PABPC1: variants seen among roughly 807,000 people sequenced by gnomAD.
The protein encoded by PABPC1 is poly(A) binding protein cytoplasmic 1.
In PABPC1, 4 loss-of-function variants were observed where a neutral mutation model predicts 74.0. The observed-to-expected ratio is 0.05, with a 90% CI of 0.03 to 0.12. The LOEUF is 0.12. PABPC1 is among the 10% of genes least tolerant of loss of function. The pLI, the probability that PABPC1 is intolerant of heterozygous loss-of-function variation, is 1.00. For missense variants in PABPC1, 271 were observed against 821.1 expected (o/e 0.33, Z 8.19); for synonymous variants, 227 against 264.1 (o/e 0.86, Z 1.36).
At chr8:100,716,243 G>A (rs1810666002) in intron 3 of PABPC1, among the ~76,000 whole-genome samples, 1 of 152,050 alleles carries the variant, frequency 6.6e-6, no homozygotes. Flanking sequence ...CTCTACTAAA[G>A]TACAAAAATT....
chr8:100,709,380 CG>C, intron 8 of PABPC1, 78 bp downstream of exon 8: 1 of 1,543,614 alleles, frequency 6.5e-7, no homozygotes, highest in East Asian at 2.3e-5. Context: ...TTCACATTTG[CG>C]GGGCGAGGGG....
chr8:100,719,654 C>T (rs1810761986), intron 1 of PABPC1, among the ~76,000 whole-genome samples: 1 of 152,158 alleles, frequency 6.6e-6, no homozygotes, highest in South Asian at 2.1e-4. Context: ...ATACTGTACA[C>T]TGTAACCACG....
At chr8:100,718,327 C>T in intron 1 of PABPC1, 47 bp from the exon 2 acceptor site, 1 of 1,516,054 alleles carries the variant, frequency 6.6e-7, no homozygotes, top group Non-Finnish European at 9.0e-7. Context: ...AAAATTTTTG[C>T]TGGCTACTTA....
In PABPC1 at chr8:100,704,376, T is replaced by C. The variant is rs536064304; in HGVS notation, c.1833A>G (p.Val611=). 1.2e-5 allele frequency: 20 copies of C among 1,613,846 alleles called. 1 individual carries two copies. In the South Asian group the frequency reaches 2.2e-4, roughly 18 times the overall value. Reference sequence around the variant, plus strand: ...TAGCTTGGTGGGCTTGTAGTACAGCTACAGCTTCATCAACCTAAAAAAGGG... The same window carrying C: ...TAGCTTGGTGGGCTTGTAGTACAGCCACAGCTTCATCAACCTAAAAAAGGG... ...ESLRSKVDEA[V]AVLQAHQAKE... The change falls in exon 14 of 15, where the codon GTA becomes GTG. Residue 611 remains valine (V), a synonymous_variant. Coordinates refer to ENST00000318607, the MANE Select transcript of PABPC1 (RefSeq NM_002568.4).
chr8:100,711,291 A>T (rs1194289210), intron 7 of PABPC1, among the ~76,000 whole-genome samples: 1 of 152,090 alleles, frequency 6.6e-6, no homozygotes, highest in Non-Finnish European at 1.5e-5. Context: ...AAAGACAAAA[A>T]AAAAACACCT....
chr8:100,719,839 T>C (rs946209374), intron 1 of PABPC1, among the ~76,000 whole-genome samples: 2 of 152,244 alleles, frequency 1.3e-5, no homozygotes, highest in Admixed American at 1.3e-4. Context: ...CCCAAAGTTA[T>C]CTACCCCCAT....
intron 11 of PABPC1, 84 bp from the exon 12 acceptor site, chr8:100,705,757 G>C: frequency 1.2e-6 from 1 of 864,580 alleles, no homozygotes; most frequent in South Asian, 1.4e-5. Context: ...ATCTGCTGAA[G>C]TGGTAGACTT....
Position 100,713,186 on chromosome 8 carries a change from A to G in PABPC1, c.644-5T>C, listed in dbSNP as rs1453493720. 6.7e-7 allele frequency: 1 copy of G among 1,492,496 alleles called. No individual in the cohort carries two copies. The highest frequency in any genetic ancestry group is 1.3e-5 in the South Asian group (1 of 78,504). The allele number at this position is 1,492,496 out of a possible 1,614,324, so 92.5% of individuals were successfully genotyped here. On this transcript the variant is annotated splice_polypyrimidine_tract_variant and splice_region_variant and intron_variant, in intron 4 of 14. Coordinates refer to ENST00000318607, the MANE Select transcript of PABPC1 (RefSeq NM_002568.4). ...CTTTCACACTTAAGGCAGGCCCTAAAAAATTTTTTTACATAAATCAAAGAT... is the reference window on the plus strand; with the variant it reads ...CTTTCACACTTAAGGCAGGCCCTAAGAAATTTTTTTACATAAATCAAAGAT...
At chr8:100,703,616 C>T (rs750777441) in intron 14 of PABPC1, among the ~76,000 whole-genome samples, 1 of 152,100 alleles carries the variant, frequency 6.6e-6, no homozygotes, top group Non-Finnish European at 1.5e-5. Flanking sequence ...TTTGCCAATC[C>T]CTGGTCCTGA....
Position 100,721,928 on chromosome 8 carries a change from TAA to T in PABPC1, c.-347_-346del. ...TTTTATAAAAGAGGAAGAAAAAAAA[TAA>T]AAGTCTCCGGCGGGGGAGACGCGGA... is the stretch of plus-strand genomic sequence containing the variant. On this transcript the variant is annotated 5_prime_UTR_variant, in exon 1 of 15. Coordinates refer to ENST00000318607, the MANE Select transcript of PABPC1 (RefSeq NM_002568.4). The surrounding 1 kb of genome is among the most constrained non-coding windows in gnomAD (Gnocchi z 7.4). 1 of 230,844 alleles carries T rather than the reference TAA, an allele frequency of 4.3e-6. No individual in the cohort carries two copies. Among genetic ancestry groups the T allele is most frequent in the Non-Finnish European group, 8.4e-6 (1 of 119,564 alleles). 14.3% of individuals were successfully genotyped at this position (230,844 alleles called of 1,614,324 possible). A position where few individuals can be genotyped will look rare whatever the true frequency, so the allele number is the denominator to read the frequency against.
chr8:100,710,845 G>A (rs1793504062), intron 7 of PABPC1, among the ~76,000 whole-genome samples: 1 of 151,974 alleles, frequency 6.6e-6, no homozygotes, highest in South Asian at 2.1e-4. Context: ...AAATTAGCCG[G>A]GCATGGTGGC....
intron 7 of PABPC1, among the ~76,000 whole-genome samples, chr8:100,710,571 T>C (rs1448310306): frequency 6.6e-6 from 1 of 152,158 alleles, no homozygotes; most frequent in Non-Finnish European, 1.5e-5. Flanking sequence ...AAATCTTAAA[T>C]GCCAGGTAGA....
chr8:100,711,838 C>A (rs1485192354), intron 7 of PABPC1, among the ~76,000 whole-genome samples: 1 of 152,214 alleles, frequency 6.6e-6, no homozygotes, highest in Non-Finnish European at 1.5e-5. Context: ...ATGCACAAAA[C>A]CTTGCATATA....
chr8:100,704,118 C>A, intron 14 of PABPC1, 179 bp downstream of exon 14: 12 of 443,890 alleles, frequency 2.7e-5, no homozygotes, highest in South Asian at 1.3e-4. Flanking sequence ...CAACAGTTAA[C>A]GGGTAAAATT....
Position 100,718,141 on chromosome 8 carries a change from A to T in PABPC1, c.333T>A (p.Asp111Glu). 6.2e-7 allele frequency: 1 copy of T among 1,614,238 alleles called. No homozygotes were observed. Among genetic ancestry groups the T allele is most frequent in the Non-Finnish European group, 8.5e-7 (1 of 1,180,038 alleles). ...IFIKNLDKSI[D>E]NKALYDTFSA... Reference sequence around the variant, plus strand: ...AAAATGTATCATACAGTGCTTTATTATCAATGGATTTGTCCAGATTTTTAA... The same window carrying T: ...AAAATGTATCATACAGTGCTTTATTTTCAATGGATTTGTCCAGATTTTTAA... Residue 111 changes from aspartate (D) to glutamate (E), a missense_variant, in exon 2 of 15, where the codon GAT (aspartate) becomes GAA (glutamate). By Grantham distance (45) the Asp-to-Glu change is conservative. Coordinates refer to ENST00000318607, the MANE Select transcript of PABPC1 (RefSeq NM_002568.4).
chr8:100,710,715 G>A (rs192587763), intron 7 of PABPC1, among the ~76,000 whole-genome samples: 12 of 152,304 alleles, frequency 7.9e-5, no homozygotes, highest in East Asian at 1.9e-4. Context: ...GGCCGGGCGC[G>A]GTGGCTCACG....
chr8:100,707,080 G>T, intron 9 of PABPC1, 83 bp from the exon 10 acceptor site: 1 of 1,032,860 alleles, frequency 9.7e-7, no homozygotes, highest in Non-Finnish European at 1.5e-6. Context: ...TCGATCTGAG[G>T]TTTGCATAAA....
Position 100,713,132 on chromosome 8 carries a change from T to A in PABPC1, c.693A>T (p.Lys231Asn). The A allele has an allele frequency of 6.2e-7, 1 of 1,612,140 alleles. No individual in the cohort carries two copies. Among genetic ancestry groups the A allele is most frequent in the Non-Finnish European group, 8.5e-7 (1 of 1,179,330 alleles). Residue 231 changes from lysine to asparagine, a missense_variant, in exon 5 of 15, where the codon AAA (lysine) becomes AAT (asparagine). Physicochemically the swap from Lys to Asn is moderately conservative, Grantham distance 94. Around this residue, in one of 7 missense-constraint regions of PABPC1, gnomAD observed 78 missense variants for 202.8 expected, o/e 0.38. Transcript: ENST00000318607. ...KVMTDESGKSKGFGFVSFERH... is the reference protein window; with the variant it reads ...KVMTDESGKSNGFGFVSFERH... ...TTTCAAAGCTTACAAATCCAAATCCTTTGGATTTTCCACTTTCATCAGTCA... is the reference window on the plus strand; with the variant it reads ...TTTCAAAGCTTACAAATCCAAATCCATTGGATTTTCCACTTTCATCAGTCA...
chr8:100,714,995 G>A (rs142091008), intron 4 of PABPC1, among the ~76,000 whole-genome samples: 197 of 152,226 alleles, frequency 1.3e-3, no homozygotes, highest in African/African-American at 4.6e-3. Flanking sequence ...ATCGCTGAAA[G>A]TCATTGTTTT....
Sources: gnomAD v4.1 joint callset for allele counts (sites outside exome capture counted in the v4.1 genomes callset) on GRCh38, gnomAD v4.1.1 for gene constraint, gnomAD v4.1.1 regional missense constraint, Gnocchi (gnomAD v3.1) non-coding constraint, MANE v1.5 for transcripts, NCBI Gene and HGNC (gene_info 2026-07-23, HGNC 2026-07-21) for gene names.